TMEM132B: variants seen among roughly 807,000 people sequenced by gnomAD.
TMEM132B encodes transmembrane protein 132B.
TMEM132B carries 18 observed loss-of-function variants against 90.8 expected under a neutral mutation model. That is an observed-to-expected ratio of 0.20 (90% CI 0.14 to 0.29). The LOEUF (loss-of-function observed/expected upper bound fraction) is 0.29. TMEM132B is among the 10% of genes least tolerant of loss of function. The pLI is 1.00. For synonymous variants in TMEM132B, 504 were observed against 523.3 expected (o/e 0.96, Z 0.50); for missense variants, 1,096 against 1,326.8 (o/e 0.83, Z 2.70).
chr12:125,475,023 G>A (rs1205276725), intron 3 of TMEM132B, among the ~76,000 whole-genome samples: 1 of 152,222 alleles, frequency 6.6e-6, no homozygotes, highest in Non-Finnish European at 1.5e-5. Flanking sequence ...CCTGAACCAT[G>A]TAGACAGAGT....
chr12:125,429,259 G>A (rs1301672174), intron 3 of TMEM132B, among the ~76,000 whole-genome samples: 7 of 151,488 alleles, frequency 4.6e-5, no homozygotes, highest in African/African-American at 1.7e-4. Context: ...GAATGCAGTG[G>A]CATGATCTTG....
intron 3 of TMEM132B, among the ~76,000 whole-genome samples, chr12:125,482,288 A>C (rs1882066066): frequency 6.6e-6 from 1 of 152,260 alleles, no homozygotes; most frequent in South Asian, 2.1e-4. Context: ...TCTGCACAGC[A>C]AAAGAAACTA....
chr12:125,195,166 A>G (rs919630436), intron 1 of TMEM132B, among the ~76,000 whole-genome samples: 11 of 151,910 alleles, frequency 7.2e-5, no homozygotes, highest in Admixed American at 6.6e-5. Flanking sequence ...TCTCCGAGAC[A>G]TTTTTACTGT....
intron 1 of TMEM132B, among the ~76,000 whole-genome samples, chr12:125,329,925 A>C (rs1876711685): frequency 6.6e-6 from 1 of 152,240 alleles, no homozygotes; most frequent in Admixed American, 6.5e-5. Flanking sequence ...GGCAAAAATC[A>C]GTTCTCCACT....
rs969867962 is a variant in TMEM132B, at chr12:125,213,916, T to A, written c.67+27050T>A. On this transcript the variant is annotated intron_variant, in intron 1 of 8. Coordinates refer to ENST00000682704, the MANE Select transcript of TMEM132B (RefSeq NM_001366854.1). This position sits in a 1 kb window ranked among gnomAD's most constrained non-coding sequence, Gnocchi z 4.2. The stretch of plus-strand genomic sequence containing the variant: ...TCATTCATTTATCAATCTATCCAAA[T>A]GGATGGATTTAGTCATTCGAATATT... Among the ~76,000 whole-genome samples the A allele has an allele frequency of 6.6e-5, 10 of 152,232 alleles. No homozygotes were observed. The highest frequency in any genetic ancestry group is 1.3e-4 in the Admixed American group (2 of 15,294).
At chr12:125,285,671 C>T (rs1027179997) in intron 1 of TMEM132B, among the ~76,000 whole-genome samples, 1 of 152,204 alleles carries the variant, frequency 6.6e-6, no homozygotes, top group Non-Finnish European at 1.5e-5. Context: ...TCCTAGTTCC[C>T]TTGGGGCTGC....
chr12:125,646,340 A>G (rs1234314855), intron 6 of TMEM132B, among the ~76,000 whole-genome samples: 4 of 152,230 alleles, frequency 2.6e-5, no homozygotes, highest in Non-Finnish European at 5.9e-5. Flanking sequence ...AGAAACAGGG[A>G]CCTGATGATG....
At chr12:125,491,833 C>A (rs1034788481) in intron 3 of TMEM132B, among the ~76,000 whole-genome samples, 2 of 152,150 alleles carry the variant, frequency 1.3e-5, no homozygotes, top group African/African-American at 4.8e-5. Flanking sequence ...ATCACGTGCT[C>A]CAGAGACTGA....
At position 125,512,228 on chromosome 12, in the gene TMEM132B, A is replaced by G. The variant is rs75293470; in HGVS notation, c.1107-7211A>G. Among the ~76,000 whole-genome samples, 833 of 152,306 alleles carry G rather than the reference A, an allele frequency of 5.5e-3. 2 individuals carry two copies. The highest frequency in any genetic ancestry group is 7.7e-3 in the Non-Finnish European group (525 of 68,014). ...CTATTGGAAAGTTTCAACCCTAATA[A>G]AGGGGACAGTGTTCTGCCCCAGCTG... On this transcript the variant is annotated intron_variant, in intron 3 of 8. Coordinates refer to ENST00000682704, the MANE Select transcript of TMEM132B (RefSeq NM_001366854.1).
intron 6 of TMEM132B, among the ~76,000 whole-genome samples, chr12:125,649,736 G>C (rs1318494477): frequency 6.6e-6 from 1 of 152,170 alleles, no homozygotes; most frequent in Admixed American, 6.5e-5. Flanking sequence ...AGACTGGTCA[G>C]TAGTCACCAA....
At position 125,653,688 on chromosome 12, in the gene TMEM132B, G is replaced by T. The variant is rs780516288; in HGVS notation, c.2230G>T (p.Ala744Ser). 22 of 1,614,048 alleles carry T rather than the reference G, an allele frequency of 1.4e-5. No individual in the cohort carries two copies. In the South Asian group the frequency reaches 2.2e-4, roughly 16 times the overall value. The change falls in exon 9 of 9, where the codon GCA (alanine) becomes TCA (serine). Residue 744 changes from alanine (A) to serine (S), a missense_variant. Ala to Ser is a moderately conservative substitution (Grantham distance 99). Coordinates refer to ENST00000682704, the MANE Select transcript of TMEM132B (RefSeq NM_001366854.1). ...GGATGAAATGGTGGTGTCTGTCCAG[G>T]CAAACCTTGAGTCCAAATGGCCAAT... is the stretch of plus-strand genomic sequence containing the variant. ...SLDEMVVSVQ[A>S]NLESKWPIVV...
chr12:125,456,372 A>G (rs1367270422), intron 3 of TMEM132B, among the ~76,000 whole-genome samples: 1 of 152,196 alleles, frequency 6.6e-6, no homozygotes, highest in Non-Finnish European at 1.5e-5. Flanking sequence ...CTGTGTGCTG[A>G]TAACTGTGCA....
intron 5 of TMEM132B, among the ~76,000 whole-genome samples, chr12:125,611,436 C>G (rs899596383): frequency 2.0e-5 from 3 of 151,814 alleles, no homozygotes; most frequent in Non-Finnish European, 2.9e-5. Context: ...TTTATCCTTT[C>G]TTATGATGCT....
chr12:125,454,025 T>G (rs1039186042), intron 3 of TMEM132B, among the ~76,000 whole-genome samples: 1 of 152,182 alleles, frequency 6.6e-6, no homozygotes, highest in African/African-American at 2.4e-5. Context: ...ATTGTTTTGC[T>G]TCTGCACATG....
chr12:125,475,422 G>A (rs866264581), intron 3 of TMEM132B, among the ~76,000 whole-genome samples: 14 of 152,172 alleles, frequency 9.2e-5, no homozygotes, highest in African/African-American at 3.4e-4. Context: ...TTGATCCTGG[G>A]TGTGTCTGTG....
chr12:125,516,772 G>A (rs775056454), intron 3 of TMEM132B, among the ~76,000 whole-genome samples: 4 of 152,164 alleles, frequency 2.6e-5, no homozygotes, highest in African/African-American at 4.8e-5. Flanking sequence ...TGAGGTCTAC[G>A]GAATGCTGAG....
intron 3 of TMEM132B, among the ~76,000 whole-genome samples, chr12:125,422,676 C>T (rs568917858): frequency 2.6e-5 from 4 of 152,250 alleles, no homozygotes; most frequent in East Asian, 3.9e-4. Flanking sequence ...GGACTGGTGT[C>T]GTTTTAAGAG....
At chr12:125,309,271 A>G (rs1257805936) in intron 1 of TMEM132B, among the ~76,000 whole-genome samples, 1 of 152,204 alleles carries the variant, frequency 6.6e-6, no homozygotes, top group Non-Finnish European at 1.5e-5. Flanking sequence ...GCAGCCTTGA[A>G]AAGAAAAATA....
intron 5 of TMEM132B, among the ~76,000 whole-genome samples, chr12:125,609,436 C>G (rs1026055597): frequency 6.6e-6 from 1 of 152,042 alleles, no homozygotes; most frequent in African/African-American, 2.4e-5. Flanking sequence ...TTACCAATTT[C>G]TGTTAGAAAA....
Sources: allele counts gnomAD v4.1 joint callset (sites outside exome capture counted in the v4.1 genomes callset), GRCh38; gene constraint gnomAD v4.1.1; non-coding constraint Gnocchi (gnomAD v3.1); transcripts MANE v1.5; gene names NCBI Gene and HGNC (gene_info 2026-07-23, HGNC 2026-07-21).